Variants in CSMD2 observed in about 807,000 individuals in gnomAD.
CSMD2 encodes CUB and sushi domain-containing protein 2.
CSMD2 carries 130 observed loss-of-function variants against 398.5 expected under a neutral mutation model. That is an observed-to-expected ratio of 0.33 (90% CI 0.28 to 0.38). The LOEUF (loss-of-function observed/expected upper bound fraction) is 0.38. Among genes scored for constraint, CSMD2 ranks in the 10% least tolerant of loss-of-function variants. The pLI is 1.00. For synonymous variants in CSMD2, 1,828 were observed against 1,908.5 expected (o/e 0.96, Z 1.10); for missense variants, 3,829 against 4,764.9 (o/e 0.80, Z 5.78).
At chr1:33,524,784 C>T (rs559736983) in intron 66 of CSMD2, 98 bp downstream of exon 66, 3 of 1,242,750 alleles carry the variant, frequency 2.4e-6, no homozygotes, top group African/African-American at 3.0e-5. Context: ...AAGTCTGAGC[C>T]TTGCATGACA....
chr1:33,861,987 G>A (rs1639554451), intron 5 of CSMD2, among the ~76,000 whole-genome samples: 1 of 152,060 alleles, frequency 6.6e-6, no homozygotes, highest in Non-Finnish European at 1.5e-5. Flanking sequence ...GAAACCAGAG[G>A]GTATGGGATC....
rs140350793 is a variant in CSMD2, at chr1:34,017,317, T to A, written c.517+15277A>T. Among the ~76,000 whole-genome samples the A allele has an allele frequency of 3.9e-5, 6 of 152,362 alleles. No individual in the cohort carries two copies. In the East Asian group the frequency reaches 1.2e-3, roughly 29 times the overall value. On this transcript the variant is annotated intron_variant, in intron 3 of 70. Coordinates refer to ENST00000373381, the MANE Select transcript of CSMD2 (RefSeq NM_001281956.2). ...TGCAGCAATGCAGAACGAATCCTTA[T>A]TTGTCTTCTGTGAGAGAAACTCTCT...
At chr1:33,776,865 G>C (rs548149873) in intron 12 of CSMD2, among the ~76,000 whole-genome samples, 7 of 152,252 alleles carry the variant, frequency 4.6e-5, no homozygotes, top group Non-Finnish European at 8.8e-5. Context: ...GGAGTAAAGG[G>C]AGTGTCATGT....
intron 49 of CSMD2, among the ~76,000 whole-genome samples, chr1:33,572,930 T>C (rs1315930674): frequency 1.3e-5 from 2 of 152,112 alleles, no homozygotes; most frequent in Non-Finnish European, 1.5e-5. Flanking sequence ...GCTCAAAATA[T>C]ATGGGAGGGA....
intron 1 of CSMD2, among the ~76,000 whole-genome samples, chr1:34,092,684 T>G (rs936101618): frequency 1.3e-5 from 2 of 152,126 alleles, no homozygotes; most frequent in African/African-American, 4.8e-5. Context: ...CCCACCCGAA[T>G]ACTGCGCTTT....
At chr1:33,704,892 A>G (rs952019916) in intron 22 of CSMD2, among the ~76,000 whole-genome samples, 2 of 150,894 alleles carry the variant, frequency 1.3e-5, no homozygotes, top group African/African-American at 2.4e-5. Context: ...CTTCCCAAGT[A>G]GCTGGGACTA....
chr1:33,652,063 C>T (rs1481631459), intron 28 of CSMD2, among the ~76,000 whole-genome samples: 1 of 152,186 alleles, frequency 6.6e-6, no homozygotes, highest in Non-Finnish European at 1.5e-5. Context: ...CCAGTATCTT[C>T]AGAGGTAGAG....
intron 3 of CSMD2, among the ~76,000 whole-genome samples, chr1:33,977,754 G>T (rs1646022682): frequency 6.6e-6 from 1 of 152,074 alleles, no homozygotes; most frequent in Non-Finnish European, 1.5e-5. Context: ...CCAAGAAACA[G>T]AATCTACAGT....
intron 3 of CSMD2, among the ~76,000 whole-genome samples, chr1:34,030,910 C>T (rs1421629754): frequency 6.6e-6 from 1 of 152,088 alleles, no homozygotes; most frequent in African/African-American, 2.4e-5. Flanking sequence ...AGTCAATGTC[C>T]CCAAGGCCAA....
At chr1:33,605,549 C>G in intron 41 of CSMD2, 79 bp from the exon 42 acceptor site, 1 of 1,452,334 alleles carries the variant, frequency 6.9e-7, no homozygotes, top group Non-Finnish European at 9.5e-7. Flanking sequence ...AGTGGTGAAG[C>G]CTCAAGATTT....
At chr1:33,885,587 G>A (rs1305028787) in intron 5 of CSMD2, 1 of 152,220 alleles carries the variant, frequency 6.6e-6, no homozygotes, top group African/African-American at 2.4e-5. Context: ...AAGCAGGAAT[G>A]GGGGTTCTGG....
At chr1:34,021,530 C>T (rs1570840162) in intron 3 of CSMD2, among the ~76,000 whole-genome samples, 1 of 152,164 alleles carries the variant, frequency 6.6e-6, no homozygotes, top group East Asian at 1.9e-4. Context: ...CCTGAGCTAG[C>T]CATGTTTGGG....
chr1:34,038,655 C>T (rs1651460227), intron 2 of CSMD2, among the ~76,000 whole-genome samples: 1 of 152,188 alleles, frequency 6.6e-6, no homozygotes, highest in African/African-American at 2.4e-5. Flanking sequence ...TGGCTTGGCC[C>T]TGACAGATTC....
chr1:33,934,060 T>G (rs925467201), intron 4 of CSMD2, among the ~76,000 whole-genome samples: 4 of 152,360 alleles, frequency 2.6e-5, no homozygotes, highest in South Asian at 4.1e-4. Context: ...GTAATTTTTA[T>G]CCTTGGTGTC....
intron 44 of CSMD2, among the ~76,000 whole-genome samples, chr1:33,589,280 TG>T: frequency 6.6e-6 from 1 of 152,310 alleles, no homozygotes; most frequent in South Asian, 2.1e-4. Context: ...CCTCCAGCAC[TG>T]GGTGCCATCA....
chr1:33,973,571 A>G (rs1338641642), intron 3 of CSMD2, among the ~76,000 whole-genome samples: 2 of 152,218 alleles, frequency 1.3e-5, no homozygotes, highest in African/African-American at 4.8e-5. Flanking sequence ...TGCATTGAGA[A>G]GGTGAAGTGC....
chr1:33,673,899 C>A (rs4350172), intron 25 of CSMD2, among the ~76,000 whole-genome samples: 90,977 of 152,004 alleles, frequency 0.6, 27,535 homozygotes, highest in East Asian at 0.77. Flanking sequence ...CCTTTACAGA[C>A]AAGCAAATGC....
At chr1:33,969,383 T>C (rs983017830) in intron 3 of CSMD2, among the ~76,000 whole-genome samples, 1 of 152,220 alleles carries the variant, frequency 6.6e-6, no homozygotes, top group Non-Finnish European at 1.5e-5. Context: ...AAATTTAAAA[T>C]TATACACATG....
intron 13 of CSMD2, among the ~76,000 whole-genome samples, chr1:33,765,059 T>C (rs1650317323): frequency 6.6e-6 from 1 of 152,196 alleles, no homozygotes; most frequent in Non-Finnish European, 1.5e-5. Context: ...AGCTGTTATA[T>C]TTAGAAAGAC....
Sources: allele counts gnomAD v4.1 joint callset (sites outside exome capture counted in the v4.1 genomes callset), GRCh38; gene constraint gnomAD v4.1.1; transcripts MANE v1.5; gene names NCBI Gene and HGNC (gene_info 2026-07-23, HGNC 2026-07-21).